The following ROR1 variants were observed in gnomAD, a reference collection of about 807,000 sequenced individuals.
The protein encoded by ROR1 is ROR family WNT receptor 1.
ROR1 carries 19 observed loss-of-function variants against 78.8 expected under a neutral mutation model. The observed-to-expected ratio is 0.24, with a 90% CI of 0.17 to 0.35. The LOEUF (loss-of-function observed/expected upper bound fraction) is 0.35. Among genes scored for constraint, ROR1 ranks in the 10% least tolerant of loss-of-function variants. The pLI, the probability that ROR1 is intolerant of heterozygous loss-of-function variation, is 1.00. For synonymous variants in ROR1, 386 were observed against 433.6 expected, an observed-to-expected ratio of 0.89 and a Z score of 1.36; for missense variants, 917 against 1,177.8, an observed-to-expected ratio of 0.78 and a Z score of 3.24.
chr1:63,901,791 A>G lies in ROR1; in HGVS notation c.92-107514A>G, dbSNP rs971968417. On this transcript the variant is annotated intron_variant, in intron 1 of 8. Coordinates refer to ENST00000371079, the MANE Select transcript of ROR1 (RefSeq NM_005012.4). Reference sequence around the variant, plus strand: ...CTTCTATCATATATTAATGAATACAACTCCCTTTAGATGGAGATTGTGCTA... The same window carrying G: ...CTTCTATCATATATTAATGAATACAGCTCCCTTTAGATGGAGATTGTGCTA... Among the ~76,000 whole-genome samples, 20 of 152,124 alleles carry G rather than the reference A, an allele frequency of 1.3e-4. 1 individual carries two copies. Among genetic ancestry groups the G allele is most frequent in the African/African-American group, 4.8e-4 (20 of 41,500 alleles).
rs34933492 is a variant in ROR1, at chr1:63,786,256, ATTTTTTTTTTTTTTTTT to A, written c.91+11766_91+11782del. ...CCCCCCTTACGCTGGCTACAACTTG[ATTTTTTTTTTTTTTTTT>A]TTTTTTTTTTTTTTTTTGAGACAGA... On this transcript the variant is annotated intron_variant, in intron 1 of 8. Transcript: ENST00000371079. 1.6e-3 allele frequency among the ~76,000 whole-genome samples: 108 copies of A among 67,516 alleles called. 2 individuals are homozygous for A. Among genetic ancestry groups the A allele is most frequent in the East Asian group, 2.7e-3 (5 of 1,858 alleles). 44.3% of individuals were successfully genotyped at this position (67,516 alleles called of 152,430 possible). A position where few individuals can be genotyped will look rare whatever the true frequency, so the allele number is the denominator to read the frequency against.
intron 1 of ROR1, among the ~76,000 whole-genome samples, chr1:63,978,321 A>G (rs2100505712): frequency 6.6e-6 from 1 of 152,334 alleles, no homozygotes; most frequent in African/African-American, 2.4e-5. Context: ...AATTTTCTGT[A>G]AGAGTAAAGT....
intron 1 of ROR1, among the ~76,000 whole-genome samples, chr1:63,805,129 G>A (rs1190285934): frequency 6.6e-6 from 1 of 152,176 alleles, no homozygotes; most frequent in African/African-American, 2.4e-5. Context: ...GATTTAATTA[G>A]TGGATGAAAG....
intron 1 of ROR1, among the ~76,000 whole-genome samples, chr1:63,928,650 T>G (rs1046116057): frequency 2.0e-5 from 3 of 152,236 alleles, no homozygotes; most frequent in African/African-American, 7.2e-5. Context: ...CTGTGGTGTT[T>G]GAATCCTAAT....
intron 1 of ROR1, among the ~76,000 whole-genome samples, chr1:63,874,141 TGA>T (rs1437724900): frequency 2.0e-5 from 3 of 152,162 alleles, no homozygotes; most frequent in Admixed American, 6.6e-5. Flanking sequence ...AATAAATTAA[TGA>T]GAGAGGAACT....
intron 1 of ROR1, among the ~76,000 whole-genome samples, chr1:63,953,801 A>G (rs958468691): frequency 2.0e-5 from 3 of 152,196 alleles, no homozygotes; most frequent in Non-Finnish European, 2.9e-5. Context: ...GCTTGGAAGA[A>G]CATCTTGAAT....
Position 64,178,719 on chromosome 1 carries a change from A to G in ROR1, c.2678A>G (p.His893Arg). 6.2e-7 allele frequency: 1 copy of G among 1,614,134 alleles called. No homozygotes were observed. The highest frequency in any genetic ancestry group is 8.5e-7 in the Non-Finnish European group (1 of 1,180,018). Reference protein sequence around the residue: ...PLLPHMSIPNHPGGMGITVFG... With the variant: ...PLLPHMSIPNRPGGMGITVFG... Reference sequence around the variant, plus strand: ...CTACCACACATGTCAATTCCAAATCATCCTGGTGGAATGGGTATCACCGTT... The same window carrying G: ...CTACCACACATGTCAATTCCAAATCGTCCTGGTGGAATGGGTATCACCGTT... Residue 893 changes from histidine (H) to arginine (R), a missense_variant, in exon 9 of 9, where the codon CAT becomes CGT. Around this residue, in one of 3 missense-constraint regions of ROR1, gnomAD observed 835 missense variants for 1,069.8 expected, o/e 0.78. Coordinates refer to ENST00000371079, the MANE Select transcript of ROR1 (RefSeq NM_005012.4). This position sits in a 1 kb window ranked among gnomAD's most constrained non-coding sequence, Gnocchi z 4.3.
Position 64,013,734 on chromosome 1 carries a change from T to TG in ROR1, c.163+4362dup, listed in dbSNP as rs756548248. ...ATGACATCAACAGTGCTCCAAATTA[T>TG]GGGGTACCGTATTAGCCTATGTCTA... On this transcript the variant is annotated intron_variant, in intron 2 of 8. Coordinates refer to ENST00000371079, the MANE Select transcript of ROR1 (RefSeq NM_005012.4). Among the ~76,000 whole-genome samples the TG allele has an allele frequency of 1.8e-3, 272 of 152,352 alleles. 4 individuals are homozygous for TG. The highest frequency in any genetic ancestry group is 9.4e-4 in the Non-Finnish European group (64 of 68,044).
At chr1:63,906,479 A>AT (rs1240351249) in intron 1 of ROR1, among the ~76,000 whole-genome samples, 1 of 151,996 alleles carries the variant, frequency 6.6e-6, no homozygotes, top group Non-Finnish European at 1.5e-5. Context: ...TGTTCCATGG[A>AT]TTTTTCTTCA....
intron 1 of ROR1, among the ~76,000 whole-genome samples, chr1:63,928,298 C>T (rs1645724024): frequency 1.3e-5 from 2 of 152,110 alleles, no homozygotes; most frequent in South Asian, 4.2e-4. Context: ...GTAACATTTG[C>T]AGCAGTCTGG....
chr1:63,814,653 C>T (rs994753460), intron 1 of ROR1, among the ~76,000 whole-genome samples: 7 of 151,804 alleles, frequency 4.6e-5, no homozygotes, highest in Non-Finnish European at 8.8e-5. Flanking sequence ...ATAAGGAGCA[C>T]GCAACTTAGA....
intron 1 of ROR1, among the ~76,000 whole-genome samples, chr1:63,873,032 G>A (rs1356229062): frequency 1.3e-5 from 2 of 152,076 alleles, no homozygotes; most frequent in East Asian, 1.9e-4. Context: ...TTTGGAGACA[G>A]TGTTCCAATA....
chr1:64,081,549 G>C (rs777750263), intron 4 of ROR1, among the ~76,000 whole-genome samples: 3 of 152,014 alleles, frequency 2.0e-5, no homozygotes, highest in Non-Finnish European at 4.4e-5. Context: ...GGCTGAGGTG[G>C]GAGGATTGCT....
Position 63,784,551 on chromosome 1 carries a change from C to T in ROR1, c.91+10043C>T, listed in dbSNP as rs527433057. On this transcript the variant is annotated intron_variant, in intron 1 of 8. Transcript: ENST00000371079. ...CTGGGAAAATTTACTTGCAAAAAGA[C>T]AGAGAAGTTACTTAAAAACAGGATT... 7.9e-5 allele frequency among the ~76,000 whole-genome samples: 12 copies of T among 152,148 alleles called. No homozygotes were observed. In the East Asian group the frequency reaches 9.6e-4, roughly 12 times the overall value.
At chr1:64,141,214 A>G (rs1649300589) in intron 6 of ROR1, among the ~76,000 whole-genome samples, 1 of 152,210 alleles carries the variant, frequency 6.6e-6, no homozygotes, top group South Asian at 2.1e-4. Flanking sequence ...TCACATTGCT[A>G]TAAAGAAATA....
At chr1:64,120,565 C>T (rs1230076664) in intron 4 of ROR1, among the ~76,000 whole-genome samples, 1 of 151,938 alleles carries the variant, frequency 6.6e-6, no homozygotes, top group East Asian at 1.9e-4. Flanking sequence ...ACTTACCACA[C>T]ATCTCAGTTT....
chr1:63,900,312 G>T (rs1238975926), intron 1 of ROR1, among the ~76,000 whole-genome samples: 3 of 151,964 alleles, frequency 2.0e-5, no homozygotes, highest in African/African-American at 7.3e-5. Context: ...AAATTAGTTG[G>T]GTATGGTGGC....
intron 4 of ROR1, among the ~76,000 whole-genome samples, chr1:64,116,097 C>T (rs1557659825): frequency 6.6e-6 from 1 of 152,134 alleles, no homozygotes; most frequent in African/African-American, 2.4e-5. Context: ...TGTGTTGAAA[C>T]AAATGGAAGT....
At chr1:63,802,301 T>C (rs1055290807) in intron 1 of ROR1, among the ~76,000 whole-genome samples, 2 of 152,134 alleles carry the variant, frequency 1.3e-5, no homozygotes, top group East Asian at 1.9e-4. Context: ...CGGAGCATCC[T>C]TGGACACTAG....
Sources: allele counts gnomAD v4.1 joint callset (sites outside exome capture counted in the v4.1 genomes callset), GRCh38; gene constraint gnomAD v4.1.1; regional missense constraint gnomAD v4.1.1; non-coding constraint Gnocchi (gnomAD v3.1); transcripts MANE v1.5; gene names NCBI Gene and HGNC (gene_info 2026-07-23, HGNC 2026-07-21).